The following SAMM50 variants were observed in gnomAD, a reference collection of about 807,000 sequenced individuals.
SAMM50 encodes the protein sorting and assembly machinery component 50 homolog.
SAMM50 carries 47 observed loss-of-function variants against 66.9 expected under a neutral mutation model. That is an observed-to-expected ratio of 0.70 (90% CI 0.56 to 0.90). The LOEUF (loss-of-function observed/expected upper bound fraction) is 0.90, where lower values mean the gene tolerates loss of function less well. SAMM50 is among the 40% of genes least tolerant of loss of function. The pLI is 0.00. For missense variants in SAMM50, 535 were observed against 595.3 expected (o/e 0.90, Z 1.05); for synonymous variants, 191 against 214.1 (o/e 0.89, Z 0.94).
At chr22:43,957,716 G>A (rs1448627601) in intron 1 of SAMM50, among the ~76,000 whole-genome samples, 1 of 151,866 alleles carries the variant, frequency 6.6e-6, no homozygotes, top group African/African-American at 2.4e-5. Flanking sequence ...GAGCCACTGC[G>A]CCCAGCCAAT....
In SAMM50 at chr22:43,968,376, G is replaced by A. The variant is rs201102948; in HGVS notation, c.235-355G>A. Among the ~76,000 whole-genome samples, 10 of 152,108 alleles carry A rather than the reference G, an allele frequency of 6.6e-5. No individual in the cohort carries two copies. In the East Asian group the frequency reaches 1.7e-3, roughly 26 times the overall value. On this transcript the variant is annotated intron_variant, in intron 3 of 14. Coordinates refer to ENST00000350028, the MANE Select transcript of SAMM50 (RefSeq NM_015380.5). ...AAAATGAAAAGGTGTGCAGACACACGTGTCTTTCTTTTGCCAGACATAACC... is the reference window on the plus strand; with the variant it reads ...AAAATGAAAAGGTGTGCAGACACACATGTCTTTCTTTTGCCAGACATAACC...
intron 14 of SAMM50, among the ~76,000 whole-genome samples, chr22:43,993,289 G>A (rs766513374): frequency 1.3e-5 from 2 of 152,238 alleles, no homozygotes; most frequent in Non-Finnish European, 2.9e-5. Context: ...GGGCAGGGAG[G>A]GTCTGGGCAG....
At chr22:43,980,953 C>G (rs904624843) in intron 10 of SAMM50, among the ~76,000 whole-genome samples, 6 of 152,178 alleles carry the variant, frequency 3.9e-5, no homozygotes, top group Non-Finnish European at 7.3e-5. Flanking sequence ...ATTGGGGGAG[C>G]CTTGCAGCCG....
At chr22:43,966,220 ATC>A (rs929143426) in intron 3 of SAMM50, among the ~76,000 whole-genome samples, 5 of 152,198 alleles carry the variant, frequency 3.3e-5, no homozygotes, top group Non-Finnish European at 5.9e-5. Context: ...TGTACTAAAC[ATC>A]TTAGTGTGTC....
At chr22:43,956,761 C>G (rs1475169527) in intron 1 of SAMM50, among the ~76,000 whole-genome samples, 1 of 152,150 alleles carries the variant, frequency 6.6e-6, no homozygotes, top group Non-Finnish European at 1.5e-5. Context: ...ATGCTGATTC[C>G]GTTCCTCTGT....
chr22:43,994,457 G>C (rs558285838), intron 14 of SAMM50, among the ~76,000 whole-genome samples: 2 of 152,186 alleles, frequency 1.3e-5, no homozygotes, highest in Non-Finnish European at 2.9e-5. Flanking sequence ...GGCTCCTGGC[G>C]TGTGGTGGGA....
chr22:43,969,392 C>T (rs368484173), intron 4 of SAMM50, among the ~76,000 whole-genome samples: 7 of 152,332 alleles, frequency 4.6e-5, no homozygotes, highest in East Asian at 1.9e-4. Context: ...GCTTCGAGGC[C>T]AGCCCTGTGC....
intron 9 of SAMM50, 106 bp downstream of exon 9, chr22:43,976,927 A>G: frequency 1.5e-6 from 1 of 687,236 alleles, no homozygotes; most frequent in Admixed American, 2.5e-5. Context: ...GCAGTCCCAC[A>G]GAGTAATCGC....
intron 4 of SAMM50, 53 bp from the exon 5 acceptor site, chr22:43,972,183 C>G: frequency 8.5e-7 from 1 of 1,173,290 alleles, no homozygotes; most frequent in Non-Finnish European, 1.2e-6. Flanking sequence ...CAATGGGAAC[C>G]CAAAGTAAAA....
In SAMM50 at chr22:43,977,962, A is replaced by G; in HGVS notation, c.936+4A>G. The G allele has an allele frequency of 6.2e-7, 1 of 1,600,334 alleles. No homozygotes were observed. Among genetic ancestry groups the G allele is most frequent in the Non-Finnish European group, 8.6e-7 (1 of 1,168,430 alleles). On this transcript the variant is annotated splice_donor_region_variant and intron_variant, in intron 10 of 14. Transcript: ENST00000350028. The stretch of plus-strand genomic sequence containing the variant: ...CAAGCAACTCATATTTGATTCAGTG[A>G]GTATCTAACGGATGCTGGCACCTGC...
chr22:43,990,183 G>C, intron 13 of SAMM50, 82 bp from the exon 14 acceptor site: 1 of 1,541,916 alleles, frequency 6.5e-7, no homozygotes, highest in Admixed American at 1.8e-5. Context: ...CCAGCCAGGG[G>C]GAGCCAGGGC....
chr22:43,995,080 G>A (rs1177320038), intron 14 of SAMM50, among the ~76,000 whole-genome samples: 3 of 152,164 alleles, frequency 2.0e-5, no homozygotes, highest in African/African-American at 7.2e-5. Flanking sequence ...AATGCAGCCC[G>A]GGTTTTGATG....
At chr22:43,982,264 A>G (rs1443771049) in intron 11 of SAMM50, among the ~76,000 whole-genome samples, 1 of 152,224 alleles carries the variant, frequency 6.6e-6, no homozygotes, top group Non-Finnish European at 1.5e-5. Flanking sequence ...AAGTGTGTAA[A>G]GATTTATGTG....
chr22:43,982,792 C>A (rs4823183), intron 11 of SAMM50, among the ~76,000 whole-genome samples: 34,782 of 151,982 alleles, frequency 0.23, 4,628 homozygotes, highest in East Asian at 0.38. Context: ...CCCGGCACCA[C>A]GCCCAGCTAA....
rs200604349 is a variant in SAMM50, at chr22:43,989,164, C to A, written c.1129C>A (p.Pro377Thr). The change falls in exon 13 of 15, where the codon CCA becomes ACA. Residue 377 changes from proline (P) to threonine (T), a missense_variant. Coordinates refer to ENST00000350028, the MANE Select transcript of SAMM50 (RefSeq NM_015380.5). ...YWAGGLHLYTPLPFRPGQGGF... is the reference protein window; with the variant it reads ...YWAGGLHLYTTLPFRPGQGGF... ...GGCCGGCGGCCTGCACCTCTACACC[C>A]CATTACCTTTCCGGCCAGGCCAGGG... The A allele has an allele frequency of 1.2e-6, 2 of 1,614,182 alleles. No individual in the cohort carries two copies. The highest frequency in any genetic ancestry group is 1.7e-6 in the Non-Finnish European group (2 of 1,180,020).
At chr22:43,975,014 G>C (rs907545596) in intron 7 of SAMM50, 2 of 152,250 alleles carry the variant, frequency 1.3e-5, no homozygotes, top group Non-Finnish European at 1.5e-5. Context: ...TGAGCTCCTA[G>C]AGGAACGGAC....
At chr22:43,957,312 C>A (rs2050124697) in intron 1 of SAMM50, 5 of 633,986 alleles carry the variant, frequency 7.9e-6, no homozygotes, top group South Asian at 7.6e-5. Context: ...CTGTTGGACA[C>A]AGAATCCGAG....
rs745907041 is a variant in SAMM50 at position 43,983,964 on chromosome 22, G to A, written c.1039G>A (p.Gly347Arg). The A allele has an allele frequency of 6.2e-7, 1 of 1,611,726 alleles. No homozygotes were observed. The highest frequency in any genetic ancestry group is 1.7e-5 in the Admixed American group (1 of 59,724). The part of the protein sequence containing the change: ...FYLGGPTSIR[G>R]FSMHSIGPQS... ...CCTTGGGGGACCCACAAGCATCCGC[G>A]GATTCAGCATGCACAGCATCGGGCC... The change falls in exon 12 of 15, where the codon GGA (glycine) becomes AGA (arginine). Residue 347 changes from glycine to arginine, a missense_variant. Physicochemically the swap from Gly to Arg is moderately radical, Grantham distance 125 (BLOSUM62 -2). Transcript: ENST00000350028. This position sits in a 1 kb window ranked among gnomAD's most constrained non-coding sequence, Gnocchi z 4.2.
chr22:43,960,208 A>T (rs752894407), intron 1 of SAMM50, among the ~76,000 whole-genome samples: 19 of 152,188 alleles, frequency 1.2e-4, no homozygotes, highest in Non-Finnish European at 2.6e-4. Flanking sequence ...CCATTTTGAA[A>T]ATACTGCACA....
Sources: gnomAD v4.1 joint callset for allele counts (sites outside exome capture counted in the v4.1 genomes callset) on GRCh38, gnomAD v4.1.1 for gene constraint, Gnocchi (gnomAD v3.1) non-coding constraint, MANE v1.5 for transcripts, NCBI Gene and HGNC (gene_info 2026-07-23, HGNC 2026-07-21) for gene names.